Variants in RSPO3 observed in about 807,000 individuals in gnomAD.
The protein encoded by RSPO3 is R-spondin-3.
RSPO3 carries 17 observed loss-of-function variants against 36.5 expected under a neutral mutation model. That is an observed-to-expected ratio of 0.47 (90% confidence interval 0.32 to 0.70). RSPO3 has a LOEUF of 0.70. Among genes scored for constraint, RSPO3 ranks in the 30% least tolerant of loss-of-function variants. The pLI is 0.04. For missense variants in RSPO3, 294 were observed against 322.5 expected (o/e 0.91, Z 0.68); for synonymous variants, 108 against 107.0 (o/e 1.01, Z -0.06).
intron 4 of RSPO3, chr6:127,192,817 C>T (rs1281670241): frequency 2.0e-5 from 10 of 493,708 alleles, no homozygotes; most frequent in African/African-American, 2.1e-5. Context: ...ATTGTCATAA[C>T]TGGAATGCTT....
chr6:127,121,389 G>A (rs569483234), intron 1 of RSPO3, among the ~76,000 whole-genome samples: 174 of 152,262 alleles, frequency 1.1e-3, no homozygotes, highest in African/African-American at 4.0e-3. Context: ...ATCATCTCAA[G>A]GCCAAGTCAA....
intron 1 of RSPO3, among the ~76,000 whole-genome samples, chr6:127,124,590 T>C (rs1282735964): frequency 1.3e-5 from 2 of 151,852 alleles, no homozygotes; most frequent in Non-Finnish European, 2.9e-5. Context: ...CCTTTGATTT[T>C]AAGGGCAAAT....
At chr6:127,148,050 C>A (rs1053496321) in intron 1 of RSPO3, among the ~76,000 whole-genome samples, 2 of 152,118 alleles carry the variant, frequency 1.3e-5, no homozygotes, top group African/African-American at 4.8e-5. Flanking sequence ...ATAGCTTCAG[C>A]ATCAGTTTGC....
chr6:127,195,898 G>C lies in RSPO3; in HGVS notation c.710G>C (p.Ser237Thr). Residue 237 changes from serine (S) to threonine (T), a missense_variant, in exon 5 of 5, where the codon AGT (serine) becomes ACT (threonine). Ser to Thr is a moderately conservative substitution (Grantham distance 58). This residue lies in a region of RSPO3 where 190 missense variants were observed against 185.2 expected (regional missense o/e 1.03). Coordinates refer to ENST00000356698, the MANE Select transcript of RSPO3 (RefSeq NM_032784.5). ...ESKEAIPDSK[S>T]LESSKEIPEQ... The stretch of plus-strand genomic sequence containing the variant: ...AAAGAAGCAATACCTGACAGCAAAA[G>C]TCTGGAATCCAGCAAAGAAATCCCA... 6.2e-7 allele frequency: 1 copy of C among 1,612,952 alleles called. No individual in the cohort carries two copies. Among genetic ancestry groups the C allele is most frequent in the Non-Finnish European group, 8.5e-7 (1 of 1,179,348 alleles).
chr6:127,163,751 ATC>A (rs1223810355), intron 4 of RSPO3, among the ~76,000 whole-genome samples: 1 of 152,122 alleles, frequency 6.6e-6, no homozygotes, highest in Non-Finnish European at 1.5e-5. Flanking sequence ...TTAGCATGTT[ATC>A]TCTCAATGAT....
chr6:127,150,313 C>T (rs1036354131), intron 2 of RSPO3, 113 bp from the exon 3 acceptor site: 5 of 963,642 alleles, frequency 5.2e-6, no homozygotes, highest in Admixed American at 5.5e-5. Flanking sequence ...TTTTGGACTT[C>T]AGGTGTTTAT....
At chr6:127,132,853 T>C (rs1562240894) in intron 1 of RSPO3, among the ~76,000 whole-genome samples, 6 of 152,090 alleles carry the variant, frequency 3.9e-5, no homozygotes, top group South Asian at 2.1e-4. Flanking sequence ...AGAAACTTCA[T>C]TGACTGAATT....
intron 4 of RSPO3, among the ~76,000 whole-genome samples, chr6:127,176,204 G>C (rs1375522962): frequency 6.6e-6 from 1 of 151,686 alleles, no homozygotes; most frequent in Non-Finnish European, 1.5e-5. Flanking sequence ...AGATTTATGA[G>C]ATACTTTAAT....
chr6:127,127,202 C>A (rs1213916694), intron 1 of RSPO3, among the ~76,000 whole-genome samples: 1 of 152,036 alleles, frequency 6.6e-6, no homozygotes, highest in African/African-American at 2.4e-5. Flanking sequence ...TATTTTAGAA[C>A]ACTGTTTTCT....
At chr6:127,176,314 G>C (rs1775054741) in intron 4 of RSPO3, among the ~76,000 whole-genome samples, 1 of 151,796 alleles carries the variant, frequency 6.6e-6, no homozygotes, top group South Asian at 2.1e-4. Context: ...TTCATCTCCA[G>C]AGGTCATGCA....
rs540432567 is a variant in RSPO3, at chr6:127,161,277, G to GA, written c.634+5848dup. On this transcript the variant is annotated intron_variant, in intron 4 of 4. Transcript: ENST00000356698. ...TACAGCCAGCACCTTGATAGATATA[G>GA]AAAAAAAAATGAAATGACAGTTTTT... 7.3e-5 allele frequency among the ~76,000 whole-genome samples: 11 copies of GA among 149,814 alleles called. No homozygotes were observed. The East Asian group carries it at 7.8e-4, about 11-fold the overall frequency.
intron 1 of RSPO3, among the ~76,000 whole-genome samples, chr6:127,123,888 T>C (rs187540820): frequency 6.6e-6 from 1 of 152,214 alleles, no homozygotes; most frequent in African/African-American, 2.4e-5. Flanking sequence ...TAAAATTTTA[T>C]TTTCCAGTTA....
intron 1 of RSPO3, among the ~76,000 whole-genome samples, chr6:127,134,204 G>A (rs1469535170): frequency 6.6e-6 from 1 of 152,140 alleles, no homozygotes; most frequent in African/African-American, 2.4e-5. Context: ...TAAAATTTAT[G>A]AGCAATGAAT....
At chr6:127,165,327 T>C (rs1238622532) in intron 4 of RSPO3, among the ~76,000 whole-genome samples, 1 of 152,050 alleles carries the variant, frequency 6.6e-6, no homozygotes, top group African/African-American at 2.4e-5. Context: ...TATGTACATA[T>C]GATAGTAAAA....
At chr6:127,163,575 C>G (rs1228838303) in intron 4 of RSPO3, among the ~76,000 whole-genome samples, 1 of 152,046 alleles carries the variant, frequency 6.6e-6, no homozygotes, top group Non-Finnish European at 1.5e-5. Flanking sequence ...CTTCTACATG[C>G]CCTTCTCTTT....
intron 1 of RSPO3, among the ~76,000 whole-genome samples, chr6:127,144,221 G>A (rs1345884033): frequency 2.6e-5 from 4 of 152,078 alleles, no homozygotes; most frequent in African/African-American, 9.7e-5. Flanking sequence ...CACTGTGTAT[G>A]TGACACATTT....
intron 1 of RSPO3, among the ~76,000 whole-genome samples, chr6:127,121,676 CA>C (rs1773849181): frequency 2.6e-5 from 4 of 152,228 alleles, no homozygotes; most frequent in Admixed American, 2.6e-4. Flanking sequence ...TTTAAATGCC[CA>C]GAAACTCAAG....
chr6:127,138,244 A>G (rs1178302434), intron 1 of RSPO3, among the ~76,000 whole-genome samples: 1 of 152,038 alleles, frequency 6.6e-6, no homozygotes, highest in Non-Finnish European at 1.5e-5. Flanking sequence ...TCGGTACCAT[A>G]TTGATATCAT....
rs1172299051 is a variant in RSPO3 at position 127,142,371 on chromosome 6, G to A, written c.98-6277G>A. Reference sequence around the variant, plus strand: ...TGGGTTGACTGGGCAGAATTTTAGAGAGACAGCCAAATAATTCAAATTTTT... The same window carrying A: ...TGGGTTGACTGGGCAGAATTTTAGAAAGACAGCCAAATAATTCAAATTTTT... On this transcript the variant is annotated intron_variant, in intron 1 of 4. Coordinates refer to ENST00000356698, the MANE Select transcript of RSPO3 (RefSeq NM_032784.5). Among the ~76,000 whole-genome samples, 3 of 152,168 alleles carry A rather than the reference G, an allele frequency of 2.0e-5. No individual in the cohort carries two copies. The East Asian group carries it at 5.8e-4, about 29-fold the overall frequency.
Sources: gnomAD v4.1 joint callset for allele counts (sites outside exome capture counted in the v4.1 genomes callset) on GRCh38, gnomAD v4.1.1 for gene constraint, gnomAD v4.1.1 regional missense constraint, MANE v1.5 for transcripts, NCBI Gene and HGNC (gene_info 2026-07-23, HGNC 2026-07-21) for gene names.